TMEM108: variants seen among roughly 807,000 people sequenced by gnomAD.
TMEM108 encodes the protein cancer/testis antigen 124.
Under a neutral mutation model 35.1 loss-of-function variants are expected in TMEM108, and 12 were observed. The observed-to-expected ratio is 0.34, with a 90% CI of 0.22 to 0.55. The LOEUF (loss-of-function observed/expected upper bound fraction) is 0.55. Among genes scored for constraint, TMEM108 ranks in the 20% least tolerant of loss-of-function variants. The probability of loss-of-function intolerance (pLI) is 0.89; values close to 1 mark genes in which losing one functional copy is unlikely to be tolerated. For synonymous variants in TMEM108, 287 were observed against 308.6 expected (o/e 0.93, Z 0.73); for missense variants, 680 against 753.3 (o/e 0.90, Z 1.14).
rs770525467 is a variant in TMEM108, at chr3:133,380,197, A to ACGCAGGCCC, written c.488_496dup (p.Arg163_Pro165dup). The ACGCAGGCCC allele has an allele frequency of 1.2e-6, 2 of 1,606,004 alleles. No individual in the cohort carries two copies. Among genetic ancestry groups the ACGCAGGCCC allele is most frequent in the South Asian group, 1.1e-5 (1 of 90,678 alleles). On this transcript the variant is annotated inframe_insertion, in exon 4 of 6. Transcript: ENST00000321871. The surrounding 1 kb of genome is among the most constrained non-coding windows in gnomAD (Gnocchi z 5.3). The stretch of plus-strand genomic sequence containing the variant: ...CCACAGCGCCCCCCCGCACTACCAC[A>ACGCAGGCCC]CGCAGGCCCCCCAGGCCCCCAGGCT...
At chr3:133,047,992 A>G (rs1183869951) in intron 2 of TMEM108, among the ~76,000 whole-genome samples, 1 of 152,186 alleles carries the variant, frequency 6.6e-6, no homozygotes, top group Non-Finnish European at 1.5e-5. Flanking sequence ...GGTCTGTGGT[A>G]TGGGAAATAA....
intron 2 of TMEM108, among the ~76,000 whole-genome samples, chr3:133,128,419 G>T (rs973972004): frequency 2.6e-5 from 4 of 152,144 alleles, no homozygotes; most frequent in African/African-American, 9.7e-5. Context: ...AAATTAACCT[G>T]AATAGAAATG....
intron 2 of TMEM108, among the ~76,000 whole-genome samples, chr3:133,061,959 C>T (rs1943542086): frequency 6.6e-6 from 1 of 152,168 alleles, no homozygotes; most frequent in Non-Finnish European, 1.5e-5. Flanking sequence ...AGTGTTGCTA[C>T]CAGTTGGGGC....
chr3:133,095,673 T>G (rs1215157329), intron 2 of TMEM108, among the ~76,000 whole-genome samples: 1 of 152,148 alleles, frequency 6.6e-6, no homozygotes, highest in Non-Finnish European at 1.5e-5. Flanking sequence ...ATCCCTTGCA[T>G]GCACAATTCA....
At chr3:133,107,192 G>C (rs1272775608) in intron 2 of TMEM108, among the ~76,000 whole-genome samples, 1 of 152,044 alleles carries the variant, frequency 6.6e-6, no homozygotes, top group African/African-American at 2.4e-5. Flanking sequence ...ATGTCATTTG[G>C]GCCTGGAGAG....
chr3:133,116,056 A>G (rs1901038), intron 2 of TMEM108, among the ~76,000 whole-genome samples: 20,012 of 152,240 alleles, frequency 0.13, 1,391 homozygotes, highest in Admixed American at 0.16. Context: ...CAGGCCATCA[A>G]GTATTGGAAA....
At chr3:133,147,936 G>C (rs1199126647) in intron 2 of TMEM108, among the ~76,000 whole-genome samples, 2 of 150,944 alleles carry the variant, frequency 1.3e-5, no homozygotes, top group African/African-American at 2.4e-5. Context: ...ATCTTTGTCT[G>C]ATTAAAAACC....
chr3:133,273,893 A>C (rs927061365), intron 3 of TMEM108, among the ~76,000 whole-genome samples: 8 of 152,182 alleles, frequency 5.3e-5, no homozygotes, highest in Non-Finnish European at 1.2e-4. Context: ...CAGACCAAGC[A>C]GTCTTATAGG....
chr3:133,311,826 GTTTCTCCCCATGTT>G (rs1302708515), intron 3 of TMEM108, among the ~76,000 whole-genome samples: 38 of 152,306 alleles, frequency 2.5e-4, no homozygotes, highest in Admixed American at 2.1e-3. Context: ...TTCTGCCCTG[GTTTCTCCCCATGTT>G]TGTGGTTTTA....
chr3:133,181,023 A>AAAAAAAAAAC (rs1945332902), intron 2 of TMEM108, among the ~76,000 whole-genome samples: 1 of 141,852 alleles, frequency 7.0e-6, no homozygotes, highest in South Asian at 2.1e-4. Context: ...AAAAAAAAAA[A>AAAAAAAAAAC]AAAAAAAAAA....
chr3:133,311,824 T>C (rs2071132431), intron 3 of TMEM108, among the ~76,000 whole-genome samples: 2 of 152,260 alleles, frequency 1.3e-5, no homozygotes, highest in South Asian at 4.1e-4. Flanking sequence ...TTTTCTGCCC[T>C]GGTTTCTCCC....
intron 3 of TMEM108, among the ~76,000 whole-genome samples, chr3:133,328,163 A>G (rs2071353899): frequency 6.6e-6 from 1 of 152,208 alleles, no homozygotes; most frequent in Admixed American, 6.5e-5. Flanking sequence ...TGCTTTCCCA[A>G]ATAGGAGACT....
At chr3:133,308,619 CAT>C (rs2071080878) in intron 3 of TMEM108, among the ~76,000 whole-genome samples, 2 of 152,148 alleles carry the variant, frequency 1.3e-5, no homozygotes, top group Non-Finnish European at 2.9e-5. Flanking sequence ...TTGAGATAAT[CAT>C]GTGGTTTTTG....
intron 2 of TMEM108, among the ~76,000 whole-genome samples, chr3:133,164,575 A>T (rs558705462): frequency 1.1e-4 from 17 of 152,302 alleles, no homozygotes; most frequent in African/African-American, 4.1e-4. Flanking sequence ...TGTCCACATG[A>T]TGTGGTCAAA....
chr3:133,059,190 T>TC (rs1415396394), intron 2 of TMEM108, among the ~76,000 whole-genome samples: 3 of 152,182 alleles, frequency 2.0e-5, no homozygotes, highest in Non-Finnish European at 2.9e-5. Flanking sequence ...AGACGCTACC[T>TC]CCTAAATGCT....
chr3:133,283,329 A>C (rs985500490), intron 3 of TMEM108, among the ~76,000 whole-genome samples: 2 of 152,144 alleles, frequency 1.3e-5, no homozygotes, highest in Non-Finnish European at 2.9e-5. Context: ...GAGGGAAAAT[A>C]ATGCAACGAA....
chr3:133,112,442 G>A (rs1019574412), intron 2 of TMEM108, among the ~76,000 whole-genome samples: 1 of 152,138 alleles, frequency 6.6e-6, no homozygotes, highest in Non-Finnish European at 1.5e-5. Flanking sequence ...ACAACGGTTA[G>A]CTTCCAAGGG....
At chr3:133,365,364 C>G (rs1420953289) in intron 3 of TMEM108, among the ~76,000 whole-genome samples, 3 of 152,130 alleles carry the variant, frequency 2.0e-5, no homozygotes, top group Non-Finnish European at 1.5e-5. Flanking sequence ...AGATTTATAC[C>G]TAGTTTTCTG....
In TMEM108 at chr3:133,156,853, ATT is replaced by A. The variant is rs539868740; in HGVS notation, c.-46-72412_-46-72411del. Among the ~76,000 whole-genome samples the A allele has an allele frequency of 3.3e-5, 5 of 152,158 alleles. No homozygotes were observed. The South Asian group carries it at 1.0e-3, about 32-fold the overall frequency. On this transcript the variant is annotated intron_variant, in intron 2 of 5. Transcript: ENST00000321871. ...GCTTTTAAGAGCCTGTGTGTGAATC[ATT>A]GTTTTCCCCTTTTTTTCTCTGCCAC...
Sources: allele counts gnomAD v4.1 joint callset (sites outside exome capture counted in the v4.1 genomes callset), GRCh38; gene constraint gnomAD v4.1.1; non-coding constraint Gnocchi (gnomAD v3.1); transcripts MANE v1.5; gene names NCBI Gene and HGNC (gene_info 2026-07-23, HGNC 2026-07-21).